Variants in MAGEA11 observed in about 807,000 individuals in gnomAD.
The protein encoded by MAGEA11 is MAGE family member A11.
MAGEA11 carries 1 observed loss-of-function variant against 8.4 expected under a neutral mutation model. That is an observed-to-expected ratio of 0.12 (90% CI 0.04 to 0.57). The LOEUF is 0.57. Among genes scored for constraint, MAGEA11 ranks in the 20% least tolerant of loss-of-function variants. The pLI, the probability that MAGEA11 is intolerant of heterozygous loss-of-function variation, is 0.91. For missense variants in MAGEA11, 209 were observed against 317.3 expected, an observed-to-expected ratio of 0.66 and a Z score of 2.59; for synonymous variants, 127 against 119.3, an observed-to-expected ratio of 1.06 and a Z score of -0.42.
chrX:149,701,713 G>A (rs1297580583), intron 1 of MAGEA11, among the ~76,000 whole-genome samples: 7 of 110,703 alleles, frequency 6.3e-5, no homozygotes, highest in African/African-American at 2.0e-4. Flanking sequence ...TAACGTTTAA[G>A]TCTTTAATCC....
chrX:149,711,105 A>G (rs1308301001), upstream of MAGEA11, among the ~76,000 whole-genome samples: 2 of 111,909 alleles, frequency 1.8e-5, no homozygotes, highest in Admixed American at 1.9e-4. Context: ...GATTAAAGGA[A>G]TACGGCTGGA....
chrX:149,708,889 TA>T (rs1557361686), upstream of MAGEA11, among the ~76,000 whole-genome samples: 1 of 110,902 alleles, frequency 9.0e-6, no homozygotes, highest in African/African-American at 3.3e-5. Context: ...TTGGGTATAT[TA>T]TACTATACTA....
At chrX:149,706,970 G>C (rs1291034918) in intron 1 of MAGEA11, among the ~76,000 whole-genome samples, 3 of 112,759 alleles carry the variant, frequency 2.7e-5, no homozygotes, top group African/African-American at 9.7e-5. Context: ...AGATAGCCCT[G>C]GGTGGCTAGA....
intron 2 of MAGEA11, chrX:149,713,902 T>G (rs1432073420): frequency 8.9e-6 from 1 of 112,901 alleles, no homozygotes; most frequent in African/African-American, 3.2e-5. Context: ...CACCAATCCT[T>G]GCTTCCTCTG....
chrX:149,708,923 T>C (rs1317282616), upstream of MAGEA11, among the ~76,000 whole-genome samples: 1 of 109,990 alleles, frequency 9.1e-6, no homozygotes, highest in Non-Finnish European at 1.9e-5. Flanking sequence ...GACACTTTAA[T>C]AAAGTTATTT....
chrX:149,712,059 C>T, upstream of MAGEA11: 1 of 752,593 alleles, frequency 1.3e-6, no homozygotes, highest in Non-Finnish European at 1.6e-6. Flanking sequence ...ATGTGACCTC[C>T]ATTGGCTTCC....
At chrX:149,699,771 T>G (rs2090344301) in intron 1 of MAGEA11, among the ~76,000 whole-genome samples, 1 of 111,627 alleles carries the variant, frequency 9.0e-6, no homozygotes, top group Non-Finnish European at 1.9e-5. Flanking sequence ...TAGTCCTGTA[T>G]TAGTCCATTC....
chrX:149,714,713 A>C (rs1447776231), intron 3 of MAGEA11, 137 bp downstream of exon 3: 1 of 1,024,342 alleles, frequency 9.8e-7, no homozygotes, highest in East Asian at 3.4e-5. Flanking sequence ...TTATACTGGG[A>C]TCATTGGTCT....
At chrX:149,712,270 C>G (rs1426036957) in intron 1 of MAGEA11, 108 bp downstream of exon 1, 1 of 313,456 alleles carries the variant, frequency 3.2e-6, no homozygotes, top group Non-Finnish European at 4.2e-6. Flanking sequence ...ACCAAATTAT[C>G]AGGCTGAGAC....
chrX:149,688,657 C>CATACATATACATATACATATACAT (rs58756024), upstream of MAGEA11, among the ~76,000 whole-genome samples: 165 of 98,822 alleles, frequency 1.7e-3, no homozygotes, highest in African/African-American at 6.0e-3. Flanking sequence ...TACATATACA[C>CATACATATACATATACATATACAT]ATACATATAC....
upstream of MAGEA11, among the ~76,000 whole-genome samples, chrX:149,710,262 C>CTGAGGA (rs1569561392): frequency 8.9e-6 from 1 of 112,284 alleles, no homozygotes; most frequent in African/African-American, 3.2e-5. Flanking sequence ...ACTGAGGCAA[C>CTGAGGA]TATACAAGTA....
At chrX:149,709,622 A>G (rs1211985071), upstream of MAGEA11, among the ~76,000 whole-genome samples, 10 of 112,326 alleles carry the variant, frequency 8.9e-5, no homozygotes, top group African/African-American at 3.2e-4. Context: ...CCAATTCATT[A>G]GGGCAGTGTA....
chrX:149,694,626 A>G (rs1440928990), intron 1 of MAGEA11, among the ~76,000 whole-genome samples: 2 of 112,310 alleles, frequency 1.8e-5, no homozygotes, highest in African/African-American at 3.2e-5. Flanking sequence ...TCAAATCTCC[A>G]AAACACTCCA....
chrX:149,713,697 C>T (rs2090413543), intron 2 of MAGEA11: 1 of 118,791 alleles, frequency 8.4e-6, no homozygotes, highest in Non-Finnish European at 1.7e-5. Context: ...CCATGTAGTG[C>T]CCCTTCACTT....
chrX:149,716,556 G>T lies in MAGEA11; in HGVS notation c.1070G>T (p.Arg357Met). The change falls in exon 5 of 5, where the codon AGG becomes ATG. Residue 357 changes from arginine to methionine, a missense_variant. By Grantham distance (91) the Arg-to-Met change is moderately conservative. Around this residue, in one of 2 missense-constraint regions of MAGEA11, gnomAD observed 78 missense variants for 178.8 expected, o/e 0.44. Transcript: ENST00000355220. ...REHFLFGEPK[R>M]LLTQNWVQEK... is the part of the protein sequence containing the mutation. ...CACTTCCTCTTTGGGGAGCCCAAGA[G>T]GCTCCTTACCCAAAATTGGGTGCAG... is the stretch of plus-strand genomic sequence containing the variant. 14 of 1,211,533 alleles carry T rather than the reference G, an allele frequency of 1.2e-5. No homozygotes were observed. Among genetic ancestry groups the T allele is most frequent in the Non-Finnish European group, 1.6e-5 (14 of 895,358 alleles).
rs1181831315 is a variant in MAGEA11, at chrX:149,714,418, A to G, written c.97-63A>G. The G allele has an allele frequency of 3.4e-6, 4 of 1,180,047 alleles. No individual in the cohort carries two copies. The African/African-American group carries it at 7.1e-5, about 21-fold the overall frequency. On this transcript the variant is annotated intron_variant, in intron 2 of 4. Coordinates refer to ENST00000355220, the MANE Select transcript of MAGEA11 (RefSeq NM_005366.5). The stretch of plus-strand genomic sequence containing the variant: ...GTCCAGCCTCTGCTGTCAGCCCTGG[A>G]CAACCACATGATGGGGTGATGGGAC...
upstream of MAGEA11, chrX:149,711,869 A>C: frequency 8.9e-6 from 6 of 671,322 alleles, no homozygotes; most frequent in Non-Finnish European, 8.9e-6. Context: ...GGGAGGACTG[A>C]GGCACCCCCA....
chrX:149,692,322 A>G (rs2090313715), intron 1 of MAGEA11, among the ~76,000 whole-genome samples: 1 of 110,893 alleles, frequency 9.0e-6, no homozygotes. Context: ...CATGAGAATC[A>G]CATGAACCTG....
chrX:149,708,764 AGG>A (rs2090387547), upstream of MAGEA11, among the ~76,000 whole-genome samples: 1 of 111,157 alleles, frequency 9.0e-6, no homozygotes, highest in African/African-American at 3.3e-5. Context: ...ATTCTATCCA[AGG>A]TTACTGAGTT....
Sources: gnomAD v4.1 joint callset for allele counts (sites outside exome capture counted in the v4.1 genomes callset) on GRCh38, gnomAD v4.1.1 for gene constraint, gnomAD v4.1.1 regional missense constraint, MANE v1.5 for transcripts, NCBI Gene and HGNC (gene_info 2026-07-23, HGNC 2026-07-21) for gene names.